THSD7B: variants seen among roughly 807,000 people sequenced by gnomAD.
THSD7B encodes thrombospondin type-1 domain-containing protein 7B.
THSD7B carries 138 observed loss-of-function variants against 213.6 expected under a neutral mutation model. That is an observed-to-expected ratio of 0.65 (90% CI 0.56 to 0.74). The LOEUF (loss-of-function observed/expected upper bound fraction) is 0.74. THSD7B is among the 30% of genes least tolerant of loss of function. The probability of loss-of-function intolerance (pLI) is 0.00; values close to 1 mark genes in which losing one functional copy is unlikely to be tolerated. For missense variants in THSD7B, 1,931 were observed against 1,991.5 expected (o/e 0.97, Z 0.58); for synonymous variants, 742 against 687.0 (o/e 1.08, Z -1.25).
intron 15 of THSD7B, among the ~76,000 whole-genome samples, chr2:137,524,424 A>G (rs1189833324): frequency 2.0e-5 from 3 of 151,992 alleles, no homozygotes; most frequent in African/African-American, 4.8e-5. Context: ...CTGTTCACCA[A>G]TATTTTTGGG....
intron 2 of THSD7B, among the ~76,000 whole-genome samples, chr2:136,992,724 T>C (rs556134679): frequency 1.3e-5 from 2 of 152,310 alleles, no homozygotes; most frequent in African/African-American, 2.4e-5. Context: ...TTGGAACTTC[T>C]GGCTTGCCAC....
intron 2 of THSD7B, among the ~76,000 whole-genome samples, chr2:136,965,655 A>G (rs1034145485): frequency 1.3e-5 from 2 of 152,174 alleles, no homozygotes; most frequent in Non-Finnish European, 2.9e-5. Context: ...TCTCTGTTCT[A>G]TATGACTCTG....
At chr2:137,230,963 A>C in intron 7 of THSD7B, 81 bp from the exon 8 acceptor site, 1 of 1,306,286 alleles carries the variant, frequency 7.7e-7, no homozygotes, top group South Asian at 1.5e-5. Flanking sequence ...TTGGGGGGGT[A>C]CTTTAAACTG....
chr2:137,471,002 C>T (rs1328070711), intron 15 of THSD7B, among the ~76,000 whole-genome samples: 1 of 150,180 alleles, frequency 6.7e-6, no homozygotes, highest in African/African-American at 2.4e-5. Flanking sequence ...TCACTGCAAC[C>T]TCTGCCTCCC....
At chr2:137,231,302 T>C in intron 8 of THSD7B, 67 bp downstream of exon 8, 22 of 1,456,584 alleles carry the variant, frequency 1.5e-5, no homozygotes, top group Non-Finnish European at 2.0e-5. Context: ...TCCTCATTGG[T>C]GATAGAGAAG....
intron 2 of THSD7B, among the ~76,000 whole-genome samples, chr2:136,920,122 A>T (rs918345828): frequency 6.6e-6 from 1 of 152,176 alleles, no homozygotes; most frequent in Non-Finnish European, 1.5e-5. Context: ...AGCCCTGTTT[A>T]TGTTACAGCT....
At chr2:137,076,655 C>T (rs1687631074) in intron 3 of THSD7B, among the ~76,000 whole-genome samples, 1 of 152,196 alleles carries the variant, frequency 6.6e-6, no homozygotes, top group South Asian at 2.1e-4. Context: ...GTTGGAAATG[C>T]AGAAATCACC....
chr2:136,959,693 A>G (rs1685185319), intron 2 of THSD7B, among the ~76,000 whole-genome samples: 1 of 152,206 alleles, frequency 6.6e-6, no homozygotes, highest in Non-Finnish European at 1.5e-5. Context: ...GGGTGACTAG[A>G]GATAGAATAG....
intron 15 of THSD7B, among the ~76,000 whole-genome samples, chr2:137,457,775 T>A (rs1687791010): frequency 6.6e-6 from 1 of 152,194 alleles, no homozygotes; most frequent in South Asian, 2.1e-4. Context: ...TGACTGTATG[T>A]GTGTAAATTT....
rs16839106 is a variant in THSD7B at position 137,562,730 on chromosome 2, C to T, written c.3139-491C>T. On this transcript the variant is annotated intron_variant, in intron 15 of 27. Transcript: ENST00000409968. ...TAAATGATTGCCTGTTAGCATTGAT[C>T]ATTTGGGGGCATAAAAAGAAATTTC... is the stretch of plus-strand genomic sequence containing the variant. Among the ~76,000 whole-genome samples, 591 of 151,906 alleles carry T rather than the reference C, an allele frequency of 3.9e-3. 6 individuals are homozygous for T. The highest frequency in any genetic ancestry group is 0.014 in the African/African-American group (570 of 41,444).
At chr2:136,768,711 G>C (rs903602725) in intron 1 of THSD7B, among the ~76,000 whole-genome samples, 1 of 152,288 alleles carries the variant, frequency 6.6e-6, no homozygotes, top group South Asian at 2.1e-4. Context: ...ATTGGGTATT[G>C]TATTATCAAA....
intron 15 of THSD7B, among the ~76,000 whole-genome samples, chr2:137,501,638 C>G (rs1254137366): frequency 6.6e-6 from 1 of 152,172 alleles, no homozygotes; most frequent in African/African-American, 2.4e-5. Context: ...AGAATCACAA[C>G]TCCCTCCCCG....
chr2:136,931,669 C>T, intron 2 of THSD7B, among the ~76,000 whole-genome samples: 1 of 152,030 alleles, frequency 6.6e-6, no homozygotes, highest in East Asian at 1.9e-4. Context: ...ATAGATGTCA[C>T]GAAAAGTGTT....
chr2:137,167,556 C>T (rs746948461), intron 6 of THSD7B, among the ~76,000 whole-genome samples: 5 of 152,106 alleles, frequency 3.3e-5, no homozygotes, highest in Non-Finnish European at 7.4e-5. Context: ...ATATACCCTC[C>T]GGAGCCTCTT....
At chr2:137,647,232 G>A (rs1233040216) in intron 21 of THSD7B, among the ~76,000 whole-genome samples, 1 of 152,182 alleles carries the variant, frequency 6.6e-6, no homozygotes, top group Admixed American at 6.5e-5. Context: ...TCTAGACAAT[G>A]CAGTTTGGGA....
At chr2:137,392,238 A>T (rs937802767) in intron 12 of THSD7B, among the ~76,000 whole-genome samples, 2 of 152,174 alleles carry the variant, frequency 1.3e-5, no homozygotes, top group Non-Finnish European at 2.9e-5. Flanking sequence ...TTTAGGTAGA[A>T]TGTTCTGTAA....
At chr2:137,017,357 G>C (rs912182702) in intron 2 of THSD7B, among the ~76,000 whole-genome samples, 3 of 151,718 alleles carry the variant, frequency 2.0e-5, no homozygotes, top group African/African-American at 4.8e-5. Context: ...TAACCAATTT[G>C]GGGAAGAGAT....
At chr2:136,864,431 C>A (rs1187828476) in intron 1 of THSD7B, among the ~76,000 whole-genome samples, 2 of 152,150 alleles carry the variant, frequency 1.3e-5, no homozygotes, top group Admixed American at 1.3e-4. Context: ...ATACAACGAA[C>A]ATTTTTAGTA....
At chr2:137,524,301 T>C (rs1558826730) in intron 15 of THSD7B, among the ~76,000 whole-genome samples, 1 of 152,076 alleles carries the variant, frequency 6.6e-6, no homozygotes, top group South Asian at 2.1e-4. Flanking sequence ...AAATTCGTCA[T>C]GTGGAACTGC....
Sources: allele counts gnomAD v4.1 joint callset (sites outside exome capture counted in the v4.1 genomes callset), GRCh38; gene constraint gnomAD v4.1.1; transcripts MANE v1.5; gene names NCBI Gene and HGNC (gene_info 2026-07-23, HGNC 2026-07-21).